SCHIP1: variants seen among roughly 807,000 people sequenced by gnomAD.
The protein encoded by SCHIP1 is schwannomin interacting protein 1.
SCHIP1 carries 8 observed loss-of-function variants against 29.7 expected under a neutral mutation model. The observed-to-expected ratio is 0.27, with a 90% CI of 0.16 to 0.49. SCHIP1 has a LOEUF of 0.49. SCHIP1 is among the 20% of genes least tolerant of loss of function. The pLI is 0.99. For missense variants in SCHIP1, 193 were observed against 294.6 expected, an observed-to-expected ratio of 0.66 and a Z score of 2.52; for synonymous variants, 76 against 94.9, an observed-to-expected ratio of 0.80 and a Z score of 1.16.
the SCHIP1 span, among the ~76,000 whole-genome samples, chr3:159,511,562 C>G: frequency 2.5e-4 from 38 of 152,274 alleles, 1 homozygote; most frequent in African/African-American, 8.9e-4. Context: ...GTGTCACTCA[C>G]TCTTGGAGCT....
the SCHIP1 span, among the ~76,000 whole-genome samples, chr3:159,821,956 A>G: frequency 6.6e-6 from 1 of 152,250 alleles, no homozygotes; most frequent in Admixed American, 6.5e-5. Flanking sequence ...TGCACTGGAC[A>G]AAGAGATGAT....
At chr3:159,452,758 C>T in the SCHIP1 span, among the ~76,000 whole-genome samples, 1 of 152,186 alleles carries the variant, frequency 6.6e-6, no homozygotes, top group African/African-American at 2.4e-5. Context: ...CTAATTTACA[C>T]TCCCACCAAC....
chr3:159,545,404 C>T, the SCHIP1 span, among the ~76,000 whole-genome samples: 5 of 151,810 alleles, frequency 3.3e-5, no homozygotes, highest in Admixed American at 6.6e-5. Flanking sequence ...ACTGGCCTAG[C>T]CTCCCAGCCT....
At chr3:159,877,936 G>A (rs1716010276) in intron 2 of SCHIP1, among the ~76,000 whole-genome samples, 1 of 152,206 alleles carries the variant, frequency 6.6e-6, no homozygotes, top group East Asian at 1.9e-4. Context: ...GGATTGAGGA[G>A]GGATGTCAAC....
the SCHIP1 span, among the ~76,000 whole-genome samples, chr3:159,563,067 A>G: frequency 6.6e-6 from 1 of 152,208 alleles, no homozygotes; most frequent in African/African-American, 2.4e-5. Flanking sequence ...TTTAGTAGAG[A>G]TATTACAACT....
the SCHIP1 span, among the ~76,000 whole-genome samples, chr3:159,570,098 C>G: frequency 1.3e-5 from 2 of 152,040 alleles, no homozygotes; most frequent in Non-Finnish European, 2.9e-5. Flanking sequence ...TAGGTTGCCT[C>G]TTCACTCTGA....
At chr3:159,750,296 T>TATATATATAC in the SCHIP1 span, among the ~76,000 whole-genome samples, 10 of 132,780 alleles carry the variant, frequency 7.5e-5, no homozygotes, top group African/African-American at 2.5e-4. Flanking sequence ...TATATATATA[T>TATATATATAC]ACACACACAC....
chr3:159,465,965 A>G, the SCHIP1 span, among the ~76,000 whole-genome samples: 1 of 152,176 alleles, frequency 6.6e-6, no homozygotes, highest in Non-Finnish European at 1.5e-5. Context: ...GAATGAGCTA[A>G]TTATTTTTCC....
At chr3:159,401,799 G>A in the SCHIP1 span, among the ~76,000 whole-genome samples, 1 of 152,188 alleles carries the variant, frequency 6.6e-6, no homozygotes, top group Non-Finnish European at 1.5e-5. Flanking sequence ...TAACATGTAA[G>A]TCTTTAATCC....
the SCHIP1 span, among the ~76,000 whole-genome samples, chr3:159,367,985 CT>C: frequency 7.2e-5 from 11 of 152,116 alleles, no homozygotes; most frequent in East Asian, 1.4e-3. Context: ...TATTTCTCCC[CT>C]ATCTCTATTT....
chr3:159,399,609 C>T, the SCHIP1 span, among the ~76,000 whole-genome samples: 1 of 152,104 alleles, frequency 6.6e-6, no homozygotes, highest in Non-Finnish European at 1.5e-5. Context: ...CCCTGCATTA[C>T]CACAATGCAA....
At chr3:159,307,471 G>T in the SCHIP1 span, among the ~76,000 whole-genome samples, 2 of 152,126 alleles carry the variant, frequency 1.3e-5, no homozygotes, top group Admixed American at 1.3e-4. Context: ...AGGGAATATG[G>T]ACAAAGAAAA....
the SCHIP1 span, among the ~76,000 whole-genome samples, chr3:159,403,324 C>CA: frequency 6.6e-6 from 1 of 152,012 alleles, no homozygotes; most frequent in South Asian, 2.1e-4. Flanking sequence ...TTCATAAGAA[C>CA]AAAAAATCAG....
chr3:159,886,419 C>T, intron 3 of SCHIP1, 95 bp downstream of exon 4: 1 of 1,166,490 alleles, frequency 8.6e-7, no homozygotes, highest in Non-Finnish European at 1.2e-6. Context: ...ACAAACATTT[C>T]AGAGATTAAA....
the SCHIP1 span, among the ~76,000 whole-genome samples, chr3:159,710,568 A>T: frequency 6.6e-6 from 1 of 152,220 alleles, no homozygotes; most frequent in Non-Finnish European, 1.5e-5. Flanking sequence ...AATGATAAGT[A>T]TGTGAGGGGA....
chr3:159,331,926 C>T, the SCHIP1 span, among the ~76,000 whole-genome samples: 2 of 152,140 alleles, frequency 1.3e-5, no homozygotes, highest in Non-Finnish European at 2.9e-5. Flanking sequence ...CCCACCTCAC[C>T]ATATACTGTG....
At chr3:159,663,416 CTG>C in the SCHIP1 span, among the ~76,000 whole-genome samples, 1 of 152,084 alleles carries the variant, frequency 6.6e-6, no homozygotes, top group African/African-American at 2.4e-5. Flanking sequence ...TGAGAAGAAT[CTG>C]TTTATTCACA....
the SCHIP1 span, among the ~76,000 whole-genome samples, chr3:159,709,172 A>T: frequency 2.0e-5 from 3 of 152,178 alleles, no homozygotes; most frequent in African/African-American, 7.2e-5. Flanking sequence ...AAAGTATACA[A>T]ATGAAGAAAA....
the SCHIP1 span, among the ~76,000 whole-genome samples, chr3:159,276,878 T>C: frequency 6.6e-6 from 1 of 152,186 alleles, no homozygotes; most frequent in Non-Finnish European, 1.5e-5. Flanking sequence ...CAAGTACACA[T>C]CCAGGCAGCC....
Sources: allele counts gnomAD v4.1 joint callset (sites outside exome capture counted in the v4.1 genomes callset), GRCh38; gene constraint gnomAD v4.1.1; transcripts MANE v1.5; gene names NCBI Gene and HGNC (gene_info 2026-07-23, HGNC 2026-07-21).